ASZ1: variants seen among roughly 807,000 people sequenced by gnomAD.
ASZ1 encodes ankyrin repeat, SAM and basic leucine zipper domain-containing protein 1.
A neutral mutation model predicts 61.8 loss-of-function variants in ASZ1; 67 were observed. That is an observed-to-expected ratio of 1.08 (90% CI 0.89 to 1.33). ASZ1 has a LOEUF of 1.33. Among genes scored for constraint, ASZ1 ranks in the 40% most tolerant of loss-of-function variants. ASZ1 has a pLI of 0.00. For missense variants in ASZ1, 577 were observed against 554.5 expected, an observed-to-expected ratio of 1.04 and a Z score of -0.41; for synonymous variants, 193 against 192.7, an observed-to-expected ratio of 1.00 and a Z score of -0.01.
intron 4 of ASZ1, among the ~76,000 whole-genome samples, chr7:117,397,060 A>T (rs1389131945): frequency 2.0e-5 from 3 of 151,720 alleles, no homozygotes; most frequent in African/African-American, 7.2e-5. Context: ...ATTTAATAAC[A>T]ATAATTAAAA....
At chr7:117,395,735 A>C (rs535231393) in intron 4 of ASZ1, among the ~76,000 whole-genome samples, 2 of 152,280 alleles carry the variant, frequency 1.3e-5, no homozygotes, top group East Asian at 3.9e-4. Context: ...GTATATATTA[A>C]TATAATTTAA....
chr7:117,403,976 C>T (rs915670776), intron 4 of ASZ1, among the ~76,000 whole-genome samples: 2 of 152,134 alleles, frequency 1.3e-5, no homozygotes, highest in East Asian at 1.9e-4. Context: ...TAACGCCTGA[C>T]GATCTGAGGT....
intron 10 of ASZ1, among the ~76,000 whole-genome samples, chr7:117,376,268 G>A (rs1466306098): frequency 1.3e-5 from 2 of 152,026 alleles, no homozygotes; most frequent in South Asian, 2.1e-4. Flanking sequence ...GATATAACTT[G>A]AATAATCCTA....
intron 4 of ASZ1, among the ~76,000 whole-genome samples, chr7:117,416,905 G>C (rs1318854745): frequency 6.6e-6 from 1 of 152,124 alleles, no homozygotes; most frequent in African/African-American, 2.4e-5. Flanking sequence ...TTGTAGTGTA[G>C]TGCAAACAGA....
intron 10 of ASZ1, among the ~76,000 whole-genome samples, chr7:117,379,135 A>T (rs184580716): frequency 0.056 from 5,246 of 93,336 alleles, 203 homozygotes; most frequent in African/African-American, 0.15. Flanking sequence ...TGATAAAATT[A>T]TATATATATA....
chr7:117,406,447 A>G (rs1796783781), intron 4 of ASZ1, among the ~76,000 whole-genome samples: 1 of 152,216 alleles, frequency 6.6e-6, no homozygotes, highest in South Asian at 2.1e-4. Flanking sequence ...TGATAGCAAT[A>G]CTAAAATGCT....
At chr7:117,416,274 G>A (rs982566543) in intron 4 of ASZ1, among the ~76,000 whole-genome samples, 1 of 152,196 alleles carries the variant, frequency 6.6e-6, no homozygotes, top group African/African-American at 2.4e-5. Flanking sequence ...GTGCTTGTCT[G>A]TTTAGGGACT....
chr7:117,373,680 A>C (rs910790989), intron 10 of ASZ1, among the ~76,000 whole-genome samples: 2 of 152,184 alleles, frequency 1.3e-5, no homozygotes, highest in Admixed American at 1.3e-4. Flanking sequence ...TTTAATAACA[A>C]GGTCAAATTC....
intron 4 of ASZ1, among the ~76,000 whole-genome samples, chr7:117,388,781 G>C (rs1796408031): frequency 6.6e-6 from 1 of 152,056 alleles, no homozygotes; most frequent in Admixed American, 6.6e-5. Flanking sequence ...GGAAGTTCTA[G>C]CCAGCGGAAC....
intron 6 of ASZ1, among the ~76,000 whole-genome samples, chr7:117,384,197 T>C (rs1796305759): frequency 6.6e-6 from 1 of 152,132 alleles, no homozygotes; most frequent in Admixed American, 6.5e-5. Flanking sequence ...AGTAATTTAA[T>C]GTATGGCAAG....
chr7:117,399,419 T>A (rs956490051), intron 4 of ASZ1, among the ~76,000 whole-genome samples: 5 of 152,236 alleles, frequency 3.3e-5, no homozygotes, highest in Non-Finnish European at 5.9e-5. Context: ...CTAATCTTCC[T>A]ATATTGTAAA....
intron 12 of ASZ1, 141 bp from the exon 13 acceptor site, chr7:117,363,889 A>G (rs544634679): frequency 2.0e-5 from 12 of 612,082 alleles, no homozygotes; most frequent in African/African-American, 9.5e-5. Context: ...TTCCCATGGA[A>G]GATTTAAAGT....
chr7:117,423,696 A>T (rs1371514820), intron 2 of ASZ1, among the ~76,000 whole-genome samples: 1 of 148,780 alleles, frequency 6.7e-6, no homozygotes, highest in African/African-American at 2.5e-5. Flanking sequence ...ATACAAAAAA[A>T]AAAAAAAAAA....
chr7:117,420,178 G>A lies in ASZ1; in HGVS notation c.425C>T (p.Pro142Leu). 1.2e-6 allele frequency: 2 copies of A among 1,609,774 alleles called. No individual in the cohort carries two copies. Among genetic ancestry groups the A allele is most frequent in the Non-Finnish European group, 1.7e-6 (2 of 1,178,330 alleles). Residue 142 changes from proline (P) to leucine (L), a missense_variant, in exon 4 of 13, where the codon CCA becomes CTA. Physicochemically the swap from Pro to Leu is moderately conservative, Grantham distance 98. Coordinates refer to ENST00000284629, the MANE Select transcript of ASZ1 (RefSeq NM_130768.3). ...VELLLSRNAD[P>L]NVACRRLMTP... ...AGGCTCTTACCTACAAGCAACATTT[G>A]GATCAGCATTTCTTGAAAGTAGTAG... is the stretch of plus-strand genomic sequence containing the variant.
At chr7:117,390,698 T>G (rs547077462) in intron 4 of ASZ1, among the ~76,000 whole-genome samples, 5 of 152,198 alleles carry the variant, frequency 3.3e-5, no homozygotes, top group Admixed American at 2.0e-4. Flanking sequence ...AACATGTTAT[T>G]TTTTGACTTT....
chr7:117,395,775 T>TAAA (rs1796566361), intron 4 of ASZ1, among the ~76,000 whole-genome samples: 1 of 152,120 alleles, frequency 6.6e-6, no homozygotes, highest in African/African-American at 2.4e-5. Context: ...CTTTTCCTAA[T>TAAA]AAAAAAGATG....
chr7:117,419,331 T>C (rs1387029949), intron 4 of ASZ1, among the ~76,000 whole-genome samples: 1 of 152,198 alleles, frequency 6.6e-6, no homozygotes, highest in East Asian at 1.9e-4. Flanking sequence ...TTGGGAACTA[T>C]CTAAAGCTGT....
At chr7:117,413,853 A>C (rs1220263550) in intron 4 of ASZ1, among the ~76,000 whole-genome samples, 1 of 152,092 alleles carries the variant, frequency 6.6e-6, no homozygotes, top group Non-Finnish European at 1.5e-5. Flanking sequence ...AAAATCTAGA[A>C]GATGCTGATT....
At chr7:117,425,612 AG>A (rs1797188027) in intron 2 of ASZ1, among the ~76,000 whole-genome samples, 1 of 149,600 alleles carries the variant, frequency 6.7e-6, no homozygotes, top group Non-Finnish European at 1.5e-5. Flanking sequence ...TTCTATGTGA[AG>A]GTAATTTAAA....
Sources: allele counts gnomAD v4.1 joint callset (sites outside exome capture counted in the v4.1 genomes callset), GRCh38; gene constraint gnomAD v4.1.1; transcripts MANE v1.5; gene names NCBI Gene and HGNC (gene_info 2026-07-23, HGNC 2026-07-21).